The following PIKFYVE variants were observed in gnomAD, a reference collection of about 807,000 sequenced individuals.
PIKFYVE encodes the protein phosphoinositide kinase, FYVE-type zinc finger containing, also known as 1-phosphatidylinositol 3-phosphate 5-kinase.
In PIKFYVE, 122 loss-of-function variants were observed where a neutral mutation model predicts 257.9. The ratio of observed to expected loss-of-function variants is 0.47; its 90% CI spans 0.41 to 0.55. The LOEUF is 0.55. Among genes scored for constraint, PIKFYVE ranks in the 20% least tolerant of loss-of-function variants. The probability of loss-of-function intolerance (pLI) is 0.00; values close to 1 mark genes in which losing one functional copy is unlikely to be tolerated. For missense variants in PIKFYVE, 2,160 were observed against 2,536.6 expected (o/e 0.85, Z 3.19); for synonymous variants, 892 against 868.9 (o/e 1.03, Z -0.47).
At chr2:208,304,139 C>A in intron 10 of PIKFYVE, 32 bp from the exon 11 acceptor site, 1 of 1,612,430 alleles carries the variant, frequency 6.2e-7, no homozygotes, top group South Asian at 1.1e-5. Flanking sequence ...CATTGAAGGC[C>A]AATTGCTTGG....
chr2:208,291,533 T>G (rs1272968749), intron 7 of PIKFYVE, among the ~76,000 whole-genome samples: 1 of 152,128 alleles, frequency 6.6e-6, no homozygotes, highest in Admixed American at 6.5e-5. Flanking sequence ...CAGGAAAATT[T>G]TGTGGAGAAT....
At chr2:208,347,463 G>T (rs1011088037) in intron 34 of PIKFYVE, among the ~76,000 whole-genome samples, 2 of 152,100 alleles carry the variant, frequency 1.3e-5, no homozygotes, top group Admixed American at 1.3e-4. Context: ...ATTGTTTTGT[G>T]TTCATTTAGT....
chr2:208,269,910 G>A, intron 1 of PIKFYVE: 1 of 275,076 alleles, frequency 3.6e-6, no homozygotes, highest in East Asian at 1.0e-4. Context: ...AGCACCTTTG[G>A]AGATGGAGGG....
intron 17 of PIKFYVE, among the ~76,000 whole-genome samples, chr2:208,323,086 TTTTTA>T (rs1460477382): frequency 2.0e-5 from 3 of 149,766 alleles, no homozygotes; most frequent in Non-Finnish European, 4.4e-5. Flanking sequence ...TTCTTTTTTA[TTTTTA>T]TTTTATTTTT....
intron 12 of PIKFYVE, among the ~76,000 whole-genome samples, chr2:208,306,269 A>G (rs940405158): frequency 6.6e-6 from 1 of 152,222 alleles, no homozygotes; most frequent in Non-Finnish European, 1.5e-5. Context: ...TGGAAAAATG[A>G]TGGAGAATAT....
chr2:208,327,034 C>T (rs1032809960), intron 20 of PIKFYVE, among the ~76,000 whole-genome samples: 2 of 151,880 alleles, frequency 1.3e-5, no homozygotes, highest in African/African-American at 2.4e-5. Context: ...TTTAATAAAA[C>T]GAGAAGATGT....
In PIKFYVE at chr2:208,350,964, G is replaced by T. The variant is rs376083152; in HGVS notation, c.5611+17G>T. On this transcript the variant is annotated intron_variant, in intron 37 of 41. Transcript: ENST00000264380. ...CAACTGAGGGTGAGCCTTTCTCATC[G>T]TTTATTGATTGGTTCAGTAGTCTTC... is the stretch of plus-strand genomic sequence containing the variant. 1.9e-6 allele frequency: 3 copies of T among 1,613,874 alleles called. No individual in the cohort carries two copies. The highest frequency in any genetic ancestry group is 2.5e-6 in the Non-Finnish European group (3 of 1,179,948).
chr2:208,342,421 A>C, intron 31 of PIKFYVE, 133 bp from the exon 32 acceptor site: 1 of 693,986 alleles, frequency 1.4e-6, no homozygotes, highest in Non-Finnish European at 2.4e-6. Context: ...AATTGCCTTC[A>C]AAAACTTTCT....
intron 2 of PIKFYVE, among the ~76,000 whole-genome samples, 189 bp from the exon 3 acceptor site, chr2:208,273,395 C>T (rs1038835499): frequency 1.3e-5 from 2 of 151,562 alleles, no homozygotes; most frequent in Non-Finnish European, 2.9e-5. Flanking sequence ...GCCAGGAGTT[C>T]AGTACCAGCC....
rs1036319245 is a variant in PIKFYVE at position 208,329,997 on chromosome 2, G to A, written c.3791+84G>A. 3.2e-6 allele frequency: 5 copies of A among 1,539,982 alleles called. No individual in the cohort carries two copies. In the South Asian group the frequency reaches 3.5e-5, roughly 11 times the overall value. On this transcript the variant is annotated intron_variant, in intron 22 of 41. Coordinates refer to ENST00000264380, the MANE Select transcript of PIKFYVE (RefSeq NM_015040.4). ...GCTAAAACGTAAACATGAGTCGGATGTTAAGTGACTGTTACATGATCCTCA... is the reference window on the plus strand; with the variant it reads ...GCTAAAACGTAAACATGAGTCGGATATTAAGTGACTGTTACATGATCCTCA...
intron 4 of PIKFYVE, 122 bp from the exon 5 acceptor site, chr2:208,277,415 T>C: frequency 9.6e-7 from 1 of 1,042,632 alleles, no homozygotes; most frequent in Non-Finnish European, 1.5e-6. Flanking sequence ...ACCTTTCGTA[T>C]TCCCATATGA....
At chr2:208,330,178 C>A (rs1466679013) in intron 22 of PIKFYVE, among the ~76,000 whole-genome samples, 1 of 152,078 alleles carries the variant, frequency 6.6e-6, no homozygotes, top group East Asian at 1.9e-4. Context: ...TACAGTGATT[C>A]AAATGAGAGG....
At chr2:208,333,633 T>G in intron 24 of PIKFYVE, 140 bp downstream of exon 24, 1 of 900,800 alleles carries the variant, frequency 1.1e-6, no homozygotes, top group Non-Finnish European at 1.7e-6. Flanking sequence ...AGGACCAGAC[T>G]GTATTAAGAA....
At chr2:208,280,068 A>G (rs1481974699) in intron 5 of PIKFYVE, among the ~76,000 whole-genome samples, 1 of 152,154 alleles carries the variant, frequency 6.6e-6, no homozygotes, top group Admixed American at 6.5e-5. Context: ...TCTTTGTAAA[A>G]TGATAATTTG....
intron 18 of PIKFYVE, among the ~76,000 whole-genome samples, 164 bp from the exon 19 acceptor site, chr2:208,324,747 A>G (rs1168249026): frequency 6.6e-6 from 1 of 152,246 alleles, no homozygotes; most frequent in Non-Finnish European, 1.5e-5. Context: ...ATTACTAAGC[A>G]ACTAAGTGTA....
Position 208,325,589 on chromosome 2 carries a change from T to C in PIKFYVE, c.2778T>C (p.Asp926=), listed in dbSNP as rs1162307186. The change falls in exon 20 of 42, where the codon GAT becomes GAC. Residue 926 remains aspartate (D), a synonymous_variant. Coordinates refer to ENST00000264380, the MANE Select transcript of PIKFYVE (RefSeq NM_015040.4). ...DIPPESLPCD[D]SSLLELRIVF... is the part of the protein sequence containing the mutation. ...CTCCTGAGTCTCTGCCCTGTGATGA[T>C]AGCAGTTTGCTGGAATTGAGGATTG... 1 of 1,614,094 alleles carries C rather than the reference T, an allele frequency of 6.2e-7. No homozygotes were observed. Among genetic ancestry groups the C allele is most frequent in the South Asian group, 1.1e-5 (1 of 91,080 alleles).
chr2:208,335,461 A>T (rs1205800402), intron 25 of PIKFYVE, 42 bp downstream of exon 25: 1 of 1,377,250 alleles, frequency 7.3e-7, no homozygotes, highest in Non-Finnish European at 1.0e-6. Flanking sequence ...GTTTATTTAC[A>T]GCTATTTTAA....
At chr2:208,345,248 A>T in intron 33 of PIKFYVE, 54 bp downstream of exon 33, 1 of 1,409,092 alleles carries the variant, frequency 7.1e-7, no homozygotes, top group Non-Finnish European at 1.0e-6. Flanking sequence ...ATCATTTTCT[A>T]TATGCTTGTA....
intron 1 of PIKFYVE, chr2:208,269,723 C>T (rs1459228259): frequency 8.1e-6 from 2 of 248,428 alleles, no homozygotes; most frequent in Non-Finnish European, 1.7e-5. Flanking sequence ...CCATCCCCCA[C>T]TCAGTTAAAC....
Sources: gnomAD v4.1 joint callset for allele counts (sites outside exome capture counted in the v4.1 genomes callset) on GRCh38, gnomAD v4.1.1 for gene constraint, MANE v1.5 for transcripts, NCBI Gene and HGNC (gene_info 2026-07-23, HGNC 2026-07-21) for gene names.